Variants in FZD3 observed in about 807,000 individuals in gnomAD.
FZD3 encodes the protein frizzled class receptor 3.
In FZD3, 30 loss-of-function variants were observed where a neutral mutation model predicts 60.7. That is an observed-to-expected ratio of 0.49 (90% CI 0.37 to 0.67). The LOEUF (loss-of-function observed/expected upper bound fraction) is 0.67. FZD3 is among the 30% of genes least tolerant of loss of function. The pLI is 0.00. For missense variants in FZD3, 605 were observed against 838.7 expected, an observed-to-expected ratio of 0.72 and a Z score of 3.44; for synonymous variants, 246 against 275.2, an observed-to-expected ratio of 0.89 and a Z score of 1.05.
chr8:28,571,995 C>G lies in FZD3; in HGVS notation c.*8984C>G, dbSNP rs759275329. The G allele has an allele frequency of 8.5e-5, 13 of 152,106 alleles. No individual in the cohort carries two copies. Among genetic ancestry groups the G allele is most frequent in the Non-Finnish European group, 1.8e-4 (12 of 68,018 alleles). The allele number at this position is 152,106 out of a possible 1,614,324, so 9.4% of individuals were successfully genotyped here. A position where few individuals can be genotyped will look rare whatever the true frequency, so the allele number is the denominator to read the frequency against. On this transcript the variant is annotated 3_prime_UTR_variant, in exon 8 of 8. Transcript: ENST00000240093. ...AATAGTAATTATGAGTTATTTCACT[C>G]TCTGTAATTTGTGATACCCAAGATT...
At chr8:28,513,519 G>C (rs1294674764) in intron 3 of FZD3, among the ~76,000 whole-genome samples, 1 of 152,082 alleles carries the variant, frequency 6.6e-6, no homozygotes, top group East Asian at 1.9e-4. Context: ...GGGATTAAAG[G>C]CGTTTTTACA....
chr8:28,530,033 A>G (rs372383674), intron 5 of FZD3, among the ~76,000 whole-genome samples: 5 of 151,944 alleles, frequency 3.3e-5, no homozygotes, highest in African/African-American at 1.2e-4. Context: ...TTTTCATGAC[A>G]TACCTAGAAT....
In FZD3 at chr8:28,570,936, T is replaced by C. The variant is rs1805796514; in HGVS notation, c.*7925T>C. On this transcript the variant is annotated 3_prime_UTR_variant, in exon 8 of 8. Coordinates refer to ENST00000240093, the MANE Select transcript of FZD3 (RefSeq NM_017412.4). ...TGTCTTATGTCATTTCACTGGATCA[T>C]GTAACTGTCCTGGCTTTCAGAAATT... is the stretch of plus-strand genomic sequence containing the variant. 1 of 151,752 alleles carries C rather than the reference T, an allele frequency of 6.6e-6. No individual in the cohort carries two copies. Among genetic ancestry groups the C allele is most frequent in the Non-Finnish European group, 1.5e-5 (1 of 67,946 alleles). The allele number at this position is 151,752 out of a possible 1,614,324, so 9.4% of individuals were successfully genotyped here.
chr8:28,573,479 A>G lies in FZD3; in HGVS notation c.*10468A>G, dbSNP rs1245788188. ...TTTGCCCAAACCCATGTGATGTCTG[A>G]AACTACTGTATATTTTCAATGACCT... is the stretch of plus-strand genomic sequence containing the variant. On this transcript the variant is annotated 3_prime_UTR_variant, in exon 8 of 8. Transcript: ENST00000240093. 1 of 151,904 alleles carries G rather than the reference A, an allele frequency of 6.6e-6. No individual in the cohort carries two copies. The highest frequency in any genetic ancestry group is 2.4e-5 in the African/African-American group (1 of 41,348). 9.4% of individuals were successfully genotyped at this position (151,904 alleles called of 1,614,324 possible).
Position 28,503,036 on chromosome 8 carries a change from T to A in FZD3, c.23T>A (p.Phe8Tyr). MAMTWIVFSLWPLTVFMG... is the reference protein window; with the variant it reads MAMTWIVYSLWPLTVFMG... ...AGGATGGCTATGACTTGGATTGTCT[T>A]CTCTCTTTGGCCCTTGACTGTGTTC... The change falls in exon 3 of 8, where the codon TTC (phenylalanine) becomes TAC (tyrosine). Residue 8 changes from phenylalanine (F) to tyrosine (Y), a missense_variant. By Grantham distance (22) the Phe-to-Tyr change is conservative (BLOSUM62 3). Coordinates refer to ENST00000240093, the MANE Select transcript of FZD3 (RefSeq NM_017412.4). The A allele has an allele frequency of 6.2e-7, 1 of 1,613,074 alleles. No homozygotes were observed. Among genetic ancestry groups the A allele is most frequent in the South Asian group, 1.1e-5 (1 of 90,978 alleles).
Position 28,571,039 on chromosome 8 carries a change from A to AG in FZD3, c.*8028_*8029insG, listed in dbSNP as rs1224948203. ...TTCGATTGCCTACCAAAAAAAAAAA[A>AG]AAAAGAAAAGGTTTGTTTTTAGTTC... On this transcript the variant is annotated 3_prime_UTR_variant, in exon 8 of 8. Transcript: ENST00000240093. 2 of 151,928 alleles carry AG rather than the reference A, an allele frequency of 1.3e-5. No individual in the cohort carries two copies. The highest frequency in any genetic ancestry group is 2.4e-5 in the African/African-American group (1 of 41,382). The allele number at this position is 151,928 out of a possible 1,614,324, so 9.4% of individuals were successfully genotyped here. A position where few individuals can be genotyped will look rare whatever the true frequency, so the allele number is the denominator to read the frequency against.
At chr8:28,500,713 G>A (rs949421714) in intron 2 of FZD3, among the ~76,000 whole-genome samples, 6 of 152,028 alleles carry the variant, frequency 3.9e-5, no homozygotes, top group Admixed American at 6.6e-5. Context: ...TTGTTACTGC[G>A]CTGCATGGTA....
chr8:28,520,633 C>T lies in FZD3; in HGVS notation c.190-5C>T. 1.3e-6 allele frequency: 2 copies of T among 1,530,708 alleles called. No homozygotes were observed. Among genetic ancestry groups the T allele is most frequent in the Non-Finnish European group, 1.8e-6 (2 of 1,131,494 alleles). 94.8% of individuals were successfully genotyped at this position (1,530,708 alleles called of 1,614,324 possible). A position where few individuals can be genotyped will look rare whatever the true frequency, so the allele number is the denominator to read the frequency against. On this transcript the variant is annotated splice_polypyrimidine_tract_variant and splice_region_variant and intron_variant, in intron 3 of 7. Coordinates refer to ENST00000240093, the MANE Select transcript of FZD3 (RefSeq NM_017412.4). ...ACTAATTATTCAATTTTAACTTTTC[C>T]CTAGCCATTCCACCCTATGGTGAAT...
At chr8:28,495,322 T>G (rs1413144073) in intron 1 of FZD3, among the ~76,000 whole-genome samples, 2 of 152,072 alleles carry the variant, frequency 1.3e-5, no homozygotes, top group African/African-American at 4.8e-5. Flanking sequence ...CTCTTTGAAT[T>G]TTGGTTCCCG....
At chr8:28,544,561 A>T (rs1805251338) in intron 5 of FZD3, among the ~76,000 whole-genome samples, 1 of 152,192 alleles carries the variant, frequency 6.6e-6, no homozygotes, top group Non-Finnish European at 1.5e-5. Flanking sequence ...TATCTCATGA[A>T]CTTTTGGCAT....
At position 28,568,528 on chromosome 8, in the gene FZD3, T is replaced by C. The variant is rs763715264; in HGVS notation, c.*5517T>C. On this transcript the variant is annotated 3_prime_UTR_variant, in exon 8 of 8. Transcript: ENST00000240093. ...ATAGGATTACAATTTTCTCTCAGGA[T>C]CCAAGTCTTCTAAGAATGAAAATGT... 2.2e-4 allele frequency: 33 copies of C among 152,112 alleles called. No individual in the cohort carries two copies. Among genetic ancestry groups the C allele is most frequent in the Admixed American group, 1.2e-3 (19 of 15,272 alleles). The allele number at this position is 152,112 out of a possible 1,614,324, so 9.4% of individuals were successfully genotyped here.
intron 5 of FZD3, among the ~76,000 whole-genome samples, chr8:28,543,865 A>G (rs1456530978): frequency 6.6e-6 from 1 of 152,190 alleles, no homozygotes; most frequent in Non-Finnish European, 1.5e-5. Flanking sequence ...TAATAGGCTC[A>G]TAGGCTATTA....
At position 28,527,499 on chromosome 8, in the gene FZD3, A is replaced by G. The variant is rs1804745256; in HGVS notation, c.739A>G (p.Met247Val). ...PIIFYAVCYM[M>V]VSLIFFIGFL... Reference sequence around the variant, plus strand: ...TATATTTTATGCAGTCTGCTACATGATGGTATCCTTAATTTTCTTCATTGG... The same window carrying G: ...TATATTTTATGCAGTCTGCTACATGGTGGTATCCTTAATTTTCTTCATTGG... The change falls in exon 5 of 8, where the codon ATG becomes GTG. Residue 247 changes from methionine to valine, a missense_variant. Transcript: ENST00000240093. The surrounding 1 kb of genome is among the most constrained non-coding windows in gnomAD (Gnocchi z 5.0). The G allele has an allele frequency of 1.2e-6, 2 of 1,613,696 alleles. No homozygotes were observed. Among genetic ancestry groups the G allele is most frequent in the Admixed American group, 1.7e-5 (1 of 59,980 alleles).
At chr8:28,538,298 T>G (rs1040413180) in intron 5 of FZD3, among the ~76,000 whole-genome samples, 1 of 152,106 alleles carries the variant, frequency 6.6e-6, no homozygotes, top group Non-Finnish European at 1.5e-5. Context: ...TTTAGTATTT[T>G]ATGAGAATAG....
rs1246653249 is a variant in FZD3 at position 28,567,930 on chromosome 8, C to G, written c.*4919C>G. ...ATATATATGAAGAAGAATGTAGACCCTATAATGTTTTTTGTCTTTGACTTT... is the reference window on the plus strand; with the variant it reads ...ATATATATGAAGAAGAATGTAGACCGTATAATGTTTTTTGTCTTTGACTTT... On this transcript the variant is annotated 3_prime_UTR_variant, in exon 8 of 8. Coordinates refer to ENST00000240093, the MANE Select transcript of FZD3 (RefSeq NM_017412.4). The G allele has an allele frequency of 6.6e-6, 1 of 151,874 alleles. No homozygotes were observed. Among genetic ancestry groups the G allele is most frequent in the Non-Finnish European group, 1.5e-5 (1 of 67,972 alleles). 9.4% of individuals were successfully genotyped at this position (151,874 alleles called of 1,614,324 possible).
chr8:28,542,258 G>A (rs73559452), intron 5 of FZD3, among the ~76,000 whole-genome samples: 3,314 of 152,160 alleles, frequency 0.022, 111 homozygotes, highest in African/African-American at 0.075. Flanking sequence ...TGTTCTGTCA[G>A]GATTATTGTT....
intron 3 of FZD3, among the ~76,000 whole-genome samples, chr8:28,519,868 T>C (rs1804528834): frequency 6.6e-6 from 1 of 152,086 alleles, no homozygotes; most frequent in Non-Finnish European, 1.5e-5. Flanking sequence ...CTGGTTGTCC[T>C]CTCTCTCCTG....
At chr8:28,559,715 G>A (rs1805580778) in intron 7 of FZD3, among the ~76,000 whole-genome samples, 1 of 152,146 alleles carries the variant, frequency 6.6e-6, no homozygotes, top group South Asian at 2.1e-4. Context: ...GTCTGAACAA[G>A]GATTTTCATA....
rs767945705 is a variant in FZD3, at chr8:28,528,047, C to A, written c.1287C>A (p.Leu429=). 1.2e-6 allele frequency: 2 copies of A among 1,613,730 alleles called. No homozygotes were observed. Among genetic ancestry groups the A allele is most frequent in the Non-Finnish European group, 1.7e-6 (2 of 1,179,816 alleles). Residue 429 remains leucine, a synonymous_variant, in exon 5 of 8, where the codon CTC becomes CTA. Coordinates refer to ENST00000240093, the MANE Select transcript of FZD3 (RefSeq NM_017412.4). ...IRIGVFSILY[L]VPLLVVIGCY... ...TCGGTGTTTTCAGCATTCTTTATCT[C>A]GTACCACTCTTGGTTGTAATTGGAT...
Sources: gnomAD v4.1 joint callset for allele counts (sites outside exome capture counted in the v4.1 genomes callset) on GRCh38, gnomAD v4.1.1 for gene constraint, Gnocchi (gnomAD v3.1) non-coding constraint, MANE v1.5 for transcripts, NCBI Gene and HGNC (gene_info 2026-07-23, HGNC 2026-07-21) for gene names.